The following ATP2B2 variants were observed in gnomAD, a reference collection of about 807,000 sequenced individuals.
ATP2B2 encodes the protein ATPase plasma membrane Ca2+ transporting 2.
ATP2B2 carries 15 observed loss-of-function variants against 120.0 expected under a neutral mutation model. That is an observed-to-expected ratio of 0.12 (90% CI 0.08 to 0.19). The LOEUF is 0.19. ATP2B2 is among the 10% of genes least tolerant of loss of function. ATP2B2 has a pLI of 1.00. For synonymous variants in ATP2B2, 694 were observed against 700.3 expected, an observed-to-expected ratio of 0.99 and a Z score of 0.14; for missense variants, 1,045 against 1,719.8, an observed-to-expected ratio of 0.61 and a Z score of 6.94.
chr3:10,418,990 C>T (rs1160549070), intron 2 of ATP2B2, among the ~76,000 whole-genome samples: 4 of 152,226 alleles, frequency 2.6e-5, no homozygotes, highest in Non-Finnish European at 5.9e-5. Context: ...CAGCAGCAGG[C>T]TAATGGGTAA....
At chr3:10,546,184 G>A (rs1372140896) in intron 2 of ATP2B2, among the ~76,000 whole-genome samples, 3 of 152,194 alleles carry the variant, frequency 2.0e-5, no homozygotes, top group Non-Finnish European at 2.9e-5. Context: ...CTGTGTGCCA[G>A]TCTCTCTTCC....
intron 1 of ATP2B2, among the ~76,000 whole-genome samples, chr3:10,465,801 G>T (rs1353950788): frequency 6.6e-6 from 1 of 152,214 alleles, no homozygotes; most frequent in Admixed American, 6.5e-5. Flanking sequence ...GCTACGAAAT[G>T]GGTGCTAGGT....
At chr3:10,517,215 G>A (rs1162669802) in intron 3 of ATP2B2, among the ~76,000 whole-genome samples, 1 of 152,190 alleles carries the variant, frequency 6.6e-6, no homozygotes, top group African/African-American at 2.4e-5. Context: ...CAGGTCGACT[G>A]GGTCTACACC....
chr3:10,428,494 G>A (rs1035622400), intron 2 of ATP2B2, among the ~76,000 whole-genome samples: 7 of 152,168 alleles, frequency 4.6e-5, no homozygotes, highest in Non-Finnish European at 1.0e-4. Flanking sequence ...GGGACGAGGG[G>A]AGGCAAGGGT....
chr3:10,615,174 G>A (rs2125614865), intron 2 of ATP2B2, among the ~76,000 whole-genome samples: 1 of 152,248 alleles, frequency 6.6e-6, no homozygotes, highest in South Asian at 2.1e-4. Flanking sequence ...AGGACATCAG[G>A]AAGCTGCTGG....
At chr3:10,532,736 G>A (rs1308064274) in intron 3 of ATP2B2, among the ~76,000 whole-genome samples, 1 of 152,256 alleles carries the variant, frequency 6.6e-6, no homozygotes, top group African/African-American at 2.4e-5. Context: ...CGAAGCAAGA[G>A]GTCTGGGTGG....
chr3:10,516,792 C>A (rs749653090), intron 3 of ATP2B2, among the ~76,000 whole-genome samples: 2 of 152,230 alleles, frequency 1.3e-5, no homozygotes, highest in Non-Finnish European at 2.9e-5. Context: ...TGGCTGACTT[C>A]ATTCCTTGTT....
At chr3:10,434,801 A>C (rs2063425968) in intron 2 of ATP2B2, among the ~76,000 whole-genome samples, 1 of 152,244 alleles carries the variant, frequency 6.6e-6, no homozygotes, top group South Asian at 2.1e-4. Context: ...GCCCTTGAGG[A>C]TGTCACTGGC....
rs1407039810 is a variant in ATP2B2 at position 10,571,308 on chromosome 3, C to T, written c.-414-37175G>A. ...GGCCAGGAGGACTGCCTGGTGGTGC[C>T]AGGAACAGAGCCTTCAGCAGGGATG... On this transcript the variant is annotated intron_variant, in intron 2 of 21. Coordinates refer to the ATP2B2 transcript ENST00000646379. 2.0e-5 allele frequency among the ~76,000 whole-genome samples: 3 copies of T among 152,188 alleles called. No individual in the cohort carries two copies. The East Asian group carries it at 5.8e-4, about 29-fold the overall frequency.
chr3:10,399,732 G>C (rs4684688), intron 5 of ATP2B2, among the ~76,000 whole-genome samples: 96,149 of 152,058 alleles, frequency 0.63, 31,985 homozygotes, highest in African/African-American at 0.83. Context: ...CCAGGACATT[G>C]CACACTCCTT....
At chr3:10,471,856 G>A (rs924834098) in intron 1 of ATP2B2, among the ~76,000 whole-genome samples, 4 of 151,718 alleles carry the variant, frequency 2.6e-5, no homozygotes, top group Non-Finnish European at 2.9e-5. Flanking sequence ...CGAGGCGGGC[G>A]GATAACGAGG....
At chr3:10,427,180 C>A (rs1439137201) in intron 2 of ATP2B2, among the ~76,000 whole-genome samples, 1 of 152,176 alleles carries the variant, frequency 6.6e-6, no homozygotes, top group African/African-American at 2.4e-5. Flanking sequence ...AATCCCTGGT[C>A]CAGGATTTCA....
At chr3:10,687,649 G>A (rs2071556312) in intron 1 of ATP2B2, among the ~76,000 whole-genome samples, 1 of 152,108 alleles carries the variant, frequency 6.6e-6, no homozygotes, top group South Asian at 2.1e-4. Flanking sequence ...TCATTTGAGG[G>A]CAGGAGTTCA....
In ATP2B2 at chr3:10,378,655, G is replaced by T. The variant is rs536721150; in HGVS notation, c.1043-245C>A. ...TGGAATCTGGGACACAGCAGGGACT[G>T]ATGCTGTTACCCTGGATCCCCCTCT... On this transcript the variant is annotated intron_variant, in intron 9 of 22. Transcript: ENST00000360273. Among the ~76,000 whole-genome samples, 17 of 152,322 alleles carry T rather than the reference G, an allele frequency of 1.1e-4. No homozygotes were observed. In the East Asian group the frequency reaches 3.3e-3, roughly 29 times the overall value.
At chr3:10,349,666 A>G (rs1302848488) in intron 16 of ATP2B2, among the ~76,000 whole-genome samples, 1 of 151,946 alleles carries the variant, frequency 6.6e-6, no homozygotes, top group East Asian at 1.9e-4. Flanking sequence ...AAGAGACTTA[A>G]AGCTCTGAGA....
At chr3:10,533,008 A>G (rs4455306) in intron 3 of ATP2B2, among the ~76,000 whole-genome samples, 5,242 of 152,300 alleles carry the variant, frequency 0.034, 103 homozygotes, top group South Asian at 0.064. Context: ...TCTGGCTCCG[A>G]GGACAAGCTT....
At chr3:10,400,790 T>G (rs895682163) in intron 5 of ATP2B2, among the ~76,000 whole-genome samples, 163 bp downstream of exon 5, 1 of 152,214 alleles carries the variant, frequency 6.6e-6, no homozygotes, top group Admixed American at 6.5e-5. Context: ...CAATGTGTGT[T>G]TGTGAGAGAA....
chr3:10,425,827 CA>C (rs1428029192), intron 2 of ATP2B2, among the ~76,000 whole-genome samples: 1 of 152,232 alleles, frequency 6.6e-6, no homozygotes, highest in Non-Finnish European at 1.5e-5. Flanking sequence ...TCCCTGTTCC[CA>C]CCACCCTCAA....
chr3:10,471,145 C>A (rs767323133), intron 1 of ATP2B2, among the ~76,000 whole-genome samples: 2 of 152,228 alleles, frequency 1.3e-5, no homozygotes, highest in African/African-American at 2.4e-5. Context: ...AGCAGCCACA[C>A]GCAGCAGGGA....
Sources: allele counts gnomAD v4.1 joint callset (sites outside exome capture counted in the v4.1 genomes callset), GRCh38; gene constraint gnomAD v4.1.1; transcripts MANE v1.5; gene names NCBI Gene and HGNC (gene_info 2026-07-23, HGNC 2026-07-21).